Variants in DOCK4 observed in about 807,000 individuals in gnomAD.
DOCK4 encodes the protein dedicator of cytokinesis 4.
DOCK4 carries 97 observed loss-of-function variants against 268.1 expected under a neutral mutation model. That is an observed-to-expected ratio of 0.36 (90% CI 0.31 to 0.43). DOCK4 has a LOEUF of 0.43. Ranked by LOEUF, DOCK4 falls within the 20% of genes least tolerant of loss-of-function variation. The pLI is 1.00. For synonymous variants in DOCK4, 954 were observed against 887.2 expected (o/e 1.08, Z -1.34); for missense variants, 2,145 against 2,455.7 (o/e 0.87, Z 2.67).
chr7:112,085,591 G>C (rs968330353), intron 1 of DOCK4, among the ~76,000 whole-genome samples: 2 of 152,252 alleles, frequency 1.3e-5, no homozygotes, highest in East Asian at 1.9e-4. Context: ...CAGATGGGTA[G>C]AAGTTCTTTA....
At chr7:111,871,925 C>G in intron 20 of DOCK4, 65 bp downstream of exon 20, 1 of 1,327,778 alleles carries the variant, frequency 7.5e-7, no homozygotes, top group Admixed American at 2.7e-5. Flanking sequence ...CCTATATCGC[C>G]TCTTCTGCTG....
intron 1 of DOCK4, among the ~76,000 whole-genome samples, chr7:112,025,170 C>T (rs1223411943): frequency 6.6e-6 from 1 of 151,904 alleles, no homozygotes; most frequent in Non-Finnish European, 1.5e-5. Flanking sequence ...CAGCATCTAC[C>T]ATACGCCGGC....
intron 8 of DOCK4, among the ~76,000 whole-genome samples, chr7:111,962,075 T>A (rs1159794232): frequency 6.6e-6 from 1 of 152,188 alleles, no homozygotes; most frequent in Non-Finnish European, 1.5e-5. Flanking sequence ...TATTTTCTCC[T>A]TTTTGCTTTT....
At chr7:111,820,744 T>C (rs557198737) in intron 27 of DOCK4, 1 of 152,340 alleles carries the variant, frequency 6.6e-6, no homozygotes, top group African/African-American at 2.4e-5. Flanking sequence ...ACTGAAATTT[T>C]AATTCAATCC....
At chr7:112,035,949 A>T (rs1262627781) in intron 1 of DOCK4, among the ~76,000 whole-genome samples, 3 of 152,148 alleles carry the variant, frequency 2.0e-5, no homozygotes, top group African/African-American at 7.2e-5. Flanking sequence ...TTGATCTGGG[A>T]TCTTAAAAGA....
intron 1 of DOCK4, among the ~76,000 whole-genome samples, chr7:112,201,103 C>T (rs953938507): frequency 1.3e-5 from 2 of 152,026 alleles, no homozygotes; most frequent in Non-Finnish European, 2.9e-5. Context: ...TAAGAAACTA[C>T]AAAAAACTAA....
Position 111,728,078 on chromosome 7 carries a change from T to C in DOCK4, c.*196A>G, listed in dbSNP as rs564366654. On this transcript the variant is annotated 3_prime_UTR_variant, in exon 53 of 53. Transcript: ENST00000428084. ...GAAACGTTTTAATGAAATTCAGCCA[T>C]ACTTCATTTAACATCTGGCGTTTTA... 5.9e-4 allele frequency: 248 copies of C among 423,104 alleles called. 1 individual carries two copies. Among genetic ancestry groups the C allele is most frequent in the Admixed American group, 1.2e-3 (28 of 23,774 alleles). The allele number at this position is 423,104 out of a possible 1,614,324, so 26.2% of individuals were successfully genotyped here. A position where few individuals can be genotyped will look rare whatever the true frequency, so the allele number is the denominator to read the frequency against.
At chr7:112,011,496 C>G (rs1303007738) in intron 1 of DOCK4, among the ~76,000 whole-genome samples, 1 of 151,818 alleles carries the variant, frequency 6.6e-6, no homozygotes, top group Non-Finnish European at 1.5e-5. Context: ...TAGTTCTAAC[C>G]TTCTATGACA....
intron 28 of DOCK4, among the ~76,000 whole-genome samples, chr7:111,810,808 C>T (rs1801067197): frequency 6.6e-6 from 1 of 151,896 alleles, no homozygotes. Flanking sequence ...GCCAGCCTGG[C>T]GAACATGGCA....
intron 1 of DOCK4, among the ~76,000 whole-genome samples, chr7:112,027,385 C>T (rs1159805076): frequency 1.3e-5 from 2 of 152,050 alleles, no homozygotes; most frequent in South Asian, 2.1e-4. Context: ...CCACCACACC[C>T]GGTTAATTTT....
intron 24 of DOCK4, among the ~76,000 whole-genome samples, chr7:111,846,659 C>A (rs1245430461): frequency 6.6e-6 from 1 of 151,824 alleles, no homozygotes; most frequent in Non-Finnish European, 1.5e-5. Flanking sequence ...GGATCAAAAA[C>A]GACTTCATGT....
chr7:111,770,758 C>T (rs968461877), intron 36 of DOCK4, among the ~76,000 whole-genome samples: 7 of 152,342 alleles, frequency 4.6e-5, no homozygotes, highest in South Asian at 4.1e-4. Flanking sequence ...TCTCAAAAGA[C>T]ATAATGATAG....
At chr7:111,944,689 T>C in intron 10 of DOCK4, 122 bp downstream of exon 10, 1 of 965,302 alleles carries the variant, frequency 1.0e-6, no homozygotes, top group Non-Finnish European at 1.6e-6. Flanking sequence ...GATTCTTGGA[T>C]TCAAATCTGG....
intron 1 of DOCK4, among the ~76,000 whole-genome samples, chr7:112,111,269 G>A (rs1185136978): frequency 2.0e-5 from 3 of 152,138 alleles, no homozygotes; most frequent in Non-Finnish European, 4.4e-5. Flanking sequence ...GAAGCCTTGA[G>A]GTCTGAGAGG....
chr7:111,980,975 C>G (rs1798566230), intron 7 of DOCK4, among the ~76,000 whole-genome samples: 1 of 152,218 alleles, frequency 6.6e-6, no homozygotes, highest in Non-Finnish European at 1.5e-5. Context: ...TGGACATATG[C>G]TAACACTGTG....
chr7:111,861,805 T>C (rs1045776049), intron 23 of DOCK4, among the ~76,000 whole-genome samples: 1 of 149,892 alleles, frequency 6.7e-6, no homozygotes, highest in Admixed American at 6.6e-5. Context: ...AAGAGTGACA[T>C]ACAATGTACT....
chr7:111,738,140 C>G (rs573643486), intron 49 of DOCK4, among the ~76,000 whole-genome samples: 31 of 152,208 alleles, frequency 2.0e-4, no homozygotes, highest in Non-Finnish European at 3.7e-4. Flanking sequence ...CATGAATCTT[C>G]AACTTTGAAA....
intron 42 of DOCK4, among the ~76,000 whole-genome samples, chr7:111,754,016 G>A (rs1796863297): frequency 6.6e-6 from 1 of 152,222 alleles, no homozygotes; most frequent in African/African-American, 2.4e-5. Flanking sequence ...TAGGACCATT[G>A]ATGAGACTTC....
At chr7:112,048,975 A>C (rs974734360) in intron 1 of DOCK4, among the ~76,000 whole-genome samples, 3 of 152,170 alleles carry the variant, frequency 2.0e-5, no homozygotes, top group Non-Finnish European at 4.4e-5. Flanking sequence ...ATGTTAGATA[A>C]AAACTTATTC....
Sources: allele counts gnomAD v4.1 joint callset (sites outside exome capture counted in the v4.1 genomes callset), GRCh38; gene constraint gnomAD v4.1.1; transcripts MANE v1.5; gene names NCBI Gene and HGNC (gene_info 2026-07-23, HGNC 2026-07-21).